DLG2: variants seen among roughly 807,000 people sequenced by gnomAD.
DLG2 encodes the protein discs large MAGUK scaffold protein 2.
A neutral mutation model predicts 132.5 loss-of-function variants in DLG2; 45 were observed. That is an observed-to-expected ratio of 0.34 (90% CI 0.27 to 0.44). The LOEUF (loss-of-function observed/expected upper bound fraction) is 0.44, where lower values mean the gene tolerates loss of function less well. Among genes scored for constraint, DLG2 ranks in the 20% least tolerant of loss-of-function variants. DLG2 has a pLI of 1.00. For synonymous variants in DLG2, 424 were observed against 419.6 expected, an observed-to-expected ratio of 1.01 and a Z score of -0.13; for missense variants, 1,045 against 1,196.9, an observed-to-expected ratio of 0.87 and a Z score of 1.87.
chr11:83,582,144 C>T (rs895018658), intron 19 of DLG2, among the ~76,000 whole-genome samples: 2 of 151,512 alleles, frequency 1.3e-5, no homozygotes, highest in Admixed American at 6.6e-5. Context: ...TTAGTAGAGG[C>T]GGGGTTTCTC....
chr11:84,508,418 CT>C (rs2099248118), intron 7 of DLG2, among the ~76,000 whole-genome samples: 3 of 92,394 alleles, frequency 3.2e-5, no homozygotes. Context: ...TTTTTTTTCT[CT>C]TTTTTAGACA....
At chr11:84,892,089 G>C (rs1248212742) in intron 6 of DLG2, among the ~76,000 whole-genome samples, 1 of 152,094 alleles carries the variant, frequency 6.6e-6, no homozygotes, top group Non-Finnish European at 1.5e-5. Context: ...AGTTATACTT[G>C]GGAATATAAT....
chr11:84,881,263 T>C (rs982533302), intron 6 of DLG2, among the ~76,000 whole-genome samples: 9 of 152,120 alleles, frequency 5.9e-5, no homozygotes, highest in Non-Finnish European at 1.3e-4. Flanking sequence ...TATTACAAGA[T>C]GTAACTAATT....
At position 85,133,495 on chromosome 11, in the gene DLG2, G is replaced by C. The variant is rs2152415673; in HGVS notation, c.282+21061C>G. ...AGCTTCTTACAAATGACTAACAGCTGGATAAGGAAAATCAAGCCAGTGACA... is the reference window on the plus strand; with the variant it reads ...AGCTTCTTACAAATGACTAACAGCTCGATAAGGAAAATCAAGCCAGTGACA... On this transcript the variant is annotated intron_variant, in intron 5 of 27. Coordinates refer to ENST00000376104, the MANE Select transcript of DLG2 (RefSeq NM_001142699.3). Among the ~76,000 whole-genome samples the C allele has an allele frequency of 2.0e-5, 3 of 152,240 alleles. No homozygotes were observed. In the Middle Eastern group the frequency reaches 0.01, roughly 518 times the overall value.
intron 3 of DLG2, among the ~76,000 whole-genome samples, chr11:85,444,542 T>C (rs1263599539): frequency 6.6e-6 from 1 of 152,202 alleles, no homozygotes; most frequent in Non-Finnish European, 1.5e-5. Context: ...CCAAGATCCT[T>C]TGGAGCTAGG....
At chr11:84,413,061 C>A (rs2098915381) in intron 7 of DLG2, among the ~76,000 whole-genome samples, 1 of 152,166 alleles carries the variant, frequency 6.6e-6, no homozygotes, top group African/African-American at 2.4e-5. Context: ...CCTACTGACA[C>A]AATGCCTGAC....
intron 26 of DLG2, among the ~76,000 whole-genome samples, chr11:83,465,415 TTC>T (rs1376208839): frequency 6.6e-6 from 1 of 152,156 alleles, no homozygotes; most frequent in African/African-American, 2.4e-5. Context: ...ATTAAATAAT[TTC>T]TGTTTCTTCG....
intron 6 of DLG2, among the ~76,000 whole-genome samples, chr11:84,838,609 A>G (rs2080144535): frequency 6.6e-6 from 1 of 151,966 alleles, no homozygotes; most frequent in East Asian, 1.9e-4. Context: ...AAACTCTGGC[A>G]CAACTGCACA....
At chr11:85,015,784 G>C (rs1272870778) in intron 6 of DLG2, among the ~76,000 whole-genome samples, 1 of 151,824 alleles carries the variant, frequency 6.6e-6, no homozygotes, top group African/African-American at 2.4e-5. Context: ...TCCACAATTC[G>C]AATCAAGTGT....
intron 8 of DLG2, among the ~76,000 whole-genome samples, chr11:84,185,766 G>C (rs10732891): frequency 0.75 from 113,437 of 152,004 alleles, 43,593 homozygotes; most frequent in Middle Eastern, 0.87. Context: ...AATTTATTGA[G>C]AGTTTTTAGC....
chr11:84,571,257 T>C (rs1312796223), intron 6 of DLG2, among the ~76,000 whole-genome samples: 1 of 152,004 alleles, frequency 6.6e-6, no homozygotes, highest in African/African-American at 2.4e-5. Flanking sequence ...TTTTCCCATC[T>C]CCTCTTTTTC....
intron 11 of DLG2, among the ~76,000 whole-genome samples, chr11:84,028,548 AAC>A (rs1488244065): frequency 2.6e-5 from 4 of 152,124 alleles, no homozygotes; most frequent in Admixed American, 2.6e-4. Flanking sequence ...AACAGATGCA[AAC>A]ACACATGATA....
At chr11:84,185,527 T>C (rs1260300559) in intron 8 of DLG2, among the ~76,000 whole-genome samples, 2 of 152,238 alleles carry the variant, frequency 1.3e-5, no homozygotes, top group African/African-American at 2.4e-5. Context: ...ACAGGGACGA[T>C]TTGACTTCCT....
chr11:84,377,608 GA>G (rs1396823181), intron 7 of DLG2, among the ~76,000 whole-genome samples: 2 of 151,950 alleles, frequency 1.3e-5, no homozygotes, highest in African/African-American at 4.8e-5. Flanking sequence ...AAAGAAAGAA[GA>G]AGAACAAGTT....
chr11:84,416,542 T>C (rs2098930387), intron 7 of DLG2, among the ~76,000 whole-genome samples: 1 of 152,212 alleles, frequency 6.6e-6, no homozygotes, highest in Non-Finnish European at 1.5e-5. Context: ...AATAACATAT[T>C]CTGCTAGATA....
At chr11:84,192,320 A>G (rs895028646) in intron 8 of DLG2, among the ~76,000 whole-genome samples, 16 of 152,216 alleles carry the variant, frequency 1.1e-4, no homozygotes, top group African/African-American at 3.4e-4. Context: ...GACATCTAAA[A>G]CATGTTCTGA....
intron 7 of DLG2, among the ~76,000 whole-genome samples, chr11:84,483,823 T>C (rs1216666395): frequency 6.6e-6 from 1 of 152,214 alleles, no homozygotes; most frequent in Non-Finnish European, 1.5e-5. Context: ...AGTTCATTAA[T>C]GGATCTAAGG....
intron 14 of DLG2, among the ~76,000 whole-genome samples, chr11:83,955,618 T>G (rs138583987): frequency 6.6e-6 from 1 of 152,366 alleles, no homozygotes; most frequent in East Asian, 1.9e-4. Context: ...ACCTATGGCC[T>G]GTCCTGCCCT....
chr11:85,387,453 G>C (rs2086437674), intron 3 of DLG2, among the ~76,000 whole-genome samples: 1 of 152,182 alleles, frequency 6.6e-6, no homozygotes, highest in Admixed American at 6.5e-5. Flanking sequence ...AGCCTTACTA[G>C]TGAGTTCTCA....
Sources: allele counts gnomAD v4.1 joint callset (sites outside exome capture counted in the v4.1 genomes callset), GRCh38; gene constraint gnomAD v4.1.1; transcripts MANE v1.5; gene names NCBI Gene and HGNC (gene_info 2026-07-23, HGNC 2026-07-21).